Variants in RERE observed in about 807,000 individuals in gnomAD.
RERE encodes the protein arginine-glutamic acid dipeptide repeats.
RERE carries 40 observed loss-of-function variants against 146.1 expected under a neutral mutation model. The ratio of observed to expected loss-of-function variants is 0.27; its 90% CI spans 0.21 to 0.36. RERE has a LOEUF of 0.36. RERE is among the 10% of genes least tolerant of loss of function. RERE has a pLI of 1.00. For missense variants in RERE, 1,933 were observed against 2,138.7 expected (o/e 0.90, Z 1.90); for synonymous variants, 1,003 against 866.0 (o/e 1.16, Z -2.78).
chr1:8,780,307 T>A (rs181801453), intron 1 of RERE, among the ~76,000 whole-genome samples: 1 of 152,272 alleles, frequency 6.6e-6, no homozygotes, highest in Non-Finnish European at 1.5e-5. Context: ...AGCGAGTACA[T>A]GCCTGAGTTA....
intron 10 of RERE, among the ~76,000 whole-genome samples, chr1:8,471,062 CT>C (rs1371885064): frequency 3.3e-5 from 5 of 152,064 alleles, no homozygotes; most frequent in African/African-American, 9.6e-5. Context: ...TGATCCCCCC[CT>C]GCCTCAGCCT....
At chr1:8,478,872 G>A (rs114840691) in intron 10 of RERE, among the ~76,000 whole-genome samples, 131 of 152,260 alleles carry the variant, frequency 8.6e-4, no homozygotes, top group African/African-American at 3.0e-3. Flanking sequence ...GGCTAGGGTA[G>A]TGGCTGAGGA....
At chr1:8,793,509 G>T (rs1018178281) in intron 1 of RERE, among the ~76,000 whole-genome samples, 8 of 152,190 alleles carry the variant, frequency 5.3e-5, no homozygotes, top group African/African-American at 1.9e-4. Flanking sequence ...TGGACTTGGG[G>T]ATGCAAGGAA....
rs893077324 is a variant in RERE, at chr1:8,745,882, C to A, written c.-145+71278G>T. ...CCCAGGAATTCAAGACCAGCCTAGGCAACACAGGCAGATCTTATCTTTACA... is the reference window on the plus strand; with the variant it reads ...CCCAGGAATTCAAGACCAGCCTAGGAAACACAGGCAGATCTTATCTTTACA... On this transcript the variant is annotated intron_variant, in intron 1 of 22. Transcript: ENST00000400908. 4.6e-5 allele frequency among the ~76,000 whole-genome samples: 7 copies of A among 152,268 alleles called. No individual in the cohort carries two copies. The South Asian group carries it at 1.4e-3, about 32-fold the overall frequency.
At chr1:8,781,913 T>C (rs1223724680) in intron 1 of RERE, among the ~76,000 whole-genome samples, 1 of 152,108 alleles carries the variant, frequency 6.6e-6, no homozygotes, top group African/African-American at 2.4e-5. Flanking sequence ...GTTTTTAAAT[T>C]GCAGGTTCAC....
intron 6 of RERE, among the ~76,000 whole-genome samples, chr1:8,542,111 G>A (rs1326191996): frequency 6.6e-6 from 1 of 152,110 alleles, no homozygotes; most frequent in East Asian, 1.9e-4. Context: ...ATATCACGTG[G>A]TGAGGCCTAA....
At chr1:8,488,388 C>T (rs544146877) in intron 10 of RERE, among the ~76,000 whole-genome samples, 57 of 152,132 alleles carry the variant, frequency 3.7e-4, no homozygotes, top group Admixed American at 2.7e-3. Flanking sequence ...TGAGATTACA[C>T]GCACGTGCCA....
rs150836665 is a variant in RERE, at chr1:8,738,980, T to C, written c.-145+78180A>G. ...TCATGTCCCAAACTCTGTCCATCTC[T>C]CTCCCCAAATATGCTCTCTCTTTAT... On this transcript the variant is annotated intron_variant, in intron 1 of 22. Transcript: ENST00000400908. Among the ~76,000 whole-genome samples, 3 of 152,298 alleles carry C rather than the reference T, an allele frequency of 2.0e-5. No homozygotes were observed. The East Asian group carries it at 5.8e-4, about 29-fold the overall frequency.
chr1:8,368,815 C>A (rs113494610), intron 12 of RERE, among the ~76,000 whole-genome samples: 2 of 151,940 alleles, frequency 1.3e-5, no homozygotes, highest in East Asian at 3.9e-4. Flanking sequence ...AATACCAGTA[C>A]TTTGGGAGGC....
At chr1:8,612,407 A>T (rs1322174118) in intron 4 of RERE, among the ~76,000 whole-genome samples, 2 of 152,204 alleles carry the variant, frequency 1.3e-5, no homozygotes, top group African/African-American at 4.8e-5. Flanking sequence ...CAATCAATAC[A>T]GTTAGCTTTA....
intron 11 of RERE, among the ~76,000 whole-genome samples, chr1:8,439,181 T>C (rs1001994214): frequency 6.6e-6 from 1 of 152,192 alleles, no homozygotes; most frequent in African/African-American, 2.4e-5. Flanking sequence ...AAAAATGTGT[T>C]TGAGAGAGCC....
rs151164281 is a variant in RERE at position 8,638,488 on chromosome 1, CA to C, written c.326-14109del. On this transcript the variant is annotated intron_variant, in intron 2 of 22. Coordinates refer to ENST00000400908, the MANE Select transcript of RERE (RefSeq NM_001042681.2). Reference sequence around the variant, plus strand: ...ATTTGCCTTGGTTGGCCATATACCCCAGGTTATGAATCTCAGCATGAATGGC... The same window carrying C: ...ATTTGCCTTGGTTGGCCATATACCCCGGTTATGAATCTCAGCATGAATGGC... Among the ~76,000 whole-genome samples the C allele has an allele frequency of 6.1e-3, 932 of 152,228 alleles. 7 individuals are homozygous for C. Among genetic ancestry groups the C allele is most frequent in the African/African-American group, 0.022 (893 of 41,526 alleles).
chr1:8,494,679 CGCCACTGCCAGAGCGA>C (rs1557657377), intron 10 of RERE, among the ~76,000 whole-genome samples: 2 of 151,816 alleles, frequency 1.3e-5, no homozygotes, highest in African/African-American at 2.4e-5. Context: ...GCTGAGATCG[CGCCACTGCCAGAGCGA>C]GACTCCATCT....
At chr1:8,773,825 GA>G (rs1158954118) in intron 1 of RERE, among the ~76,000 whole-genome samples, 2 of 152,018 alleles carry the variant, frequency 1.3e-5, no homozygotes, top group Non-Finnish European at 2.9e-5. Context: ...CTCCATCTCA[GA>G]AAAAAGTTAC....
chr1:8,364,093 C>A lies in RERE; in HGVS notation c.1703G>T (p.Gly568Val). Residue 568 changes from glycine to valine, a missense_variant, in exon 15 of 23, where the codon GGG (glycine) becomes GTG (valine). By Grantham distance (109) the Gly-to-Val change is moderately radical (BLOSUM62 -3). Transcript: ENST00000400908. This position sits in a 1 kb window ranked among gnomAD's most constrained non-coding sequence, Gnocchi z 5.1. ...CCGCCGTGTCCTCATGCTATGCTTC[C>A]CACTGAGCCCATCATCCTCTTCCTT... ...PVKEEDDGLS[G>V]KHSMRTRRSR... 1 of 1,614,232 alleles carries A rather than the reference C, an allele frequency of 6.2e-7. No homozygotes were observed. Among genetic ancestry groups the A allele is most frequent in the South Asian group, 1.1e-5 (1 of 91,082 alleles).
chr1:8,734,013 C>T (rs562671956), intron 1 of RERE, among the ~76,000 whole-genome samples: 1 of 145,592 alleles, frequency 6.9e-6, no homozygotes, highest in African/African-American at 2.6e-5. Context: ...GAGGCTGATG[C>T]AGGAGAATTG....
intron 7 of RERE, among the ~76,000 whole-genome samples, chr1:8,516,833 T>A (rs552060292): frequency 6.6e-6 from 1 of 152,158 alleles, no homozygotes; most frequent in African/African-American, 2.4e-5. Context: ...TTGAAAGTCA[T>A]GATGAAAGAG....
chr1:8,716,610 C>A (rs1045595509), intron 1 of RERE, among the ~76,000 whole-genome samples: 2 of 150,956 alleles, frequency 1.3e-5, no homozygotes, highest in South Asian at 4.2e-4. Flanking sequence ...CTAAAATAAA[C>A]AAACAAAAAA....
At chr1:8,359,524 T>C (rs1179761055) in intron 19 of RERE, among the ~76,000 whole-genome samples, 1 of 152,168 alleles carries the variant, frequency 6.6e-6, no homozygotes, top group Non-Finnish European at 1.5e-5. Flanking sequence ...GGCCCTCCGG[T>C]AGGAGGACGC....
Sources: gnomAD v4.1 joint callset for allele counts (sites outside exome capture counted in the v4.1 genomes callset) on GRCh38, gnomAD v4.1.1 for gene constraint, Gnocchi (gnomAD v3.1) non-coding constraint, MANE v1.5 for transcripts, NCBI Gene and HGNC (gene_info 2026-07-23, HGNC 2026-07-21) for gene names.